Variants in TEP1 observed in about 807,000 individuals in gnomAD.
The protein encoded by TEP1 is telomerase protein component 1.
TEP1 carries 241 observed loss-of-function variants against 306.3 expected under a neutral mutation model. That is an observed-to-expected ratio of 0.79 (90% CI 0.71 to 0.88). TEP1 has a LOEUF of 0.88. TEP1 is among the 40% of genes least tolerant of loss of function. TEP1 has a pLI of 0.00. For synonymous variants in TEP1, 1,289 were observed against 1,305.5 expected (o/e 0.99, Z 0.27); for missense variants, 3,051 against 3,276.1 (o/e 0.93, Z 1.68).
rs758671489 is a variant in TEP1 at position 20,371,611 on chromosome 14, T to C, written c.7098A>G (p.Leu2366=). ...TTGTCAGCACCCCTAAGTCCTCCTG[T>C]AGAATTCGGTTCAGGTGAAGACTAG... ...GNLSLHLNRI[L]QEDLGVLTSL... The change falls in exon 50 of 55, where the codon CTA becomes CTG. Residue 2366 remains leucine, a synonymous_variant. Coordinates refer to ENST00000262715, the MANE Select transcript of TEP1 (RefSeq NM_007110.5). 1 of 1,580,954 alleles carries C rather than the reference T, an allele frequency of 6.3e-7. No homozygotes were observed. Among genetic ancestry groups the C allele is most frequent in the Non-Finnish European group, 8.5e-7 (1 of 1,172,014 alleles).
chr14:20,411,444 A>C (rs768369430), intron 1 of TEP1, among the ~76,000 whole-genome samples: 9 of 151,646 alleles, frequency 5.9e-5, no homozygotes, highest in Non-Finnish European at 1.3e-4. Flanking sequence ...AGTTTCATCA[A>C]CTCCTCCAAA....
rs571042520 is a variant in TEP1, at chr14:20,410,994, G to A, written c.-25+2411C>T. On this transcript the variant is annotated intron_variant, in intron 1 of 54. Coordinates refer to ENST00000262715, the MANE Select transcript of TEP1 (RefSeq NM_007110.5). ...CTGCCACCACACCCAGCTAATTTTT[G>A]TATTTGTAGTAGAGACAGGGTTTCA... Among the ~76,000 whole-genome samples the A allele has an allele frequency of 7.9e-5, 12 of 151,192 alleles. No homozygotes were observed. In the South Asian group the frequency reaches 2.5e-3, roughly 32 times the overall value.
At chr14:20,393,058 T>C (rs1417176631) in intron 12 of TEP1, among the ~76,000 whole-genome samples, 2 of 151,496 alleles carry the variant, frequency 1.3e-5, no homozygotes, top group Admixed American at 6.6e-5. Flanking sequence ...CTAAAAAAAA[T>C]ACAAAAAAAT....
At position 20,386,238 on chromosome 14, in the gene TEP1, A is replaced by G. The variant is rs780842658; in HGVS notation, c.2862-43T>C. On this transcript the variant is annotated intron_variant, in intron 19 of 54. Transcript: ENST00000262715. Reference sequence around the variant, plus strand: ...GGGACGTGTGGGAGTCACTGGGGGCATGGTATCAGGGAACATAGGCACAAA... The same window carrying G: ...GGGACGTGTGGGAGTCACTGGGGGCGTGGTATCAGGGAACATAGGCACAAA... 5 of 1,612,806 alleles carry G rather than the reference A, an allele frequency of 3.1e-6. No homozygotes were observed. In the East Asian group the frequency reaches 1.1e-4, roughly 36 times the overall value.
chr14:20,403,142 A>C (rs981711142), intron 7 of TEP1, among the ~76,000 whole-genome samples: 22 of 145,854 alleles, frequency 1.5e-4, no homozygotes, highest in African/African-American at 5.5e-4. Context: ...CCTGGGCCAC[A>C]GTGCATAACT....
chr14:20,373,710 CT>C lies in TEP1; in HGVS notation c.6571del (p.Ser2191AlafsTer22), dbSNP rs1884999710. 6.2e-7 allele frequency: 1 copy of C among 1,614,046 alleles called. No homozygotes were observed. Among genetic ancestry groups the C allele is most frequent in the African/African-American group, 1.3e-5 (1 of 74,912 alleles). On this transcript the variant is annotated frameshift_variant, in exon 45 of 55. Transcript: ENST00000262715. LOFTEE classifies it high-confidence loss of function. ...TSIPAHSGPISHCAAAMEPRA... is the reference protein window; with the variant it reads ...TSIPAHSGPIXHCAAAMEPRA... ...GGGCTCCATGGCAGCTGCACAGTGG[CT>C]AATGGGTCCTGAGTGAGCAGGGATG...
At position 20,378,399 on chromosome 14, in the gene TEP1, T is replaced by C. The variant is rs777927900; in HGVS notation, c.5489A>G (p.Asp1830Gly). Residue 1830 changes from aspartate (D) to glycine (G), a missense_variant, in exon 38 of 55, where the codon GAT (aspartate) becomes GGT (glycine). Physicochemically the swap from Asp to Gly is moderately conservative, Grantham distance 94 (BLOSUM62 -1). Around this residue, in one of 3 missense-constraint regions of TEP1, gnomAD observed 1,540 missense variants for 1,705.9 expected, o/e 0.90. Coordinates refer to ENST00000262715, the MANE Select transcript of TEP1 (RefSeq NM_007110.5). ...WAGSISFFQV[D>G]GLKVTKDLGA... ...TCTTACCTTGGTGACTTTGAGCCCATCCACCTGGAAGAAGCTGATGCTGCC... is the reference window on the plus strand; with the variant it reads ...TCTTACCTTGGTGACTTTGAGCCCACCCACCTGGAAGAAGCTGATGCTGCC... The C allele has an allele frequency of 6.2e-7, 1 of 1,614,206 alleles. No individual in the cohort carries two copies. Among genetic ancestry groups the C allele is most frequent in the South Asian group, 1.1e-5 (1 of 91,076 alleles).
intron 22 of TEP1, 39 bp from the exon 23 acceptor site, chr14:20,384,547 C>G (rs199889885): frequency 6.2e-7 from 1 of 1,613,542 alleles, no homozygotes. Flanking sequence ...AGAGCAGGCC[C>G]GGCTCCTCTC....
In TEP1 at chr14:20,368,874, T is replaced by C. The variant is rs2104978; in HGVS notation, c.7685A>G (p.His2562Arg). 100,322 of 1,613,536 alleles carry C rather than the reference T, an allele frequency of 0.062. 3,450 individuals are homozygous for C. Among genetic ancestry groups the C allele is most frequent in the South Asian group, 0.089 (8,071 of 91,018 alleles). ...TGTCACCAGCAACTCAGGTAGCACA[T>C]GGAGGGCTGTGACAGAGCCCGAGTG... ...KIHSGSVTAL[H>R]VLPELLVTAS... is the part of the protein sequence containing the mutation. The change falls in exon 54 of 55, where the codon CAT becomes CGT. Residue 2562 changes from histidine (H) to arginine (R), a missense_variant. Physicochemically the swap from His to Arg is conservative, Grantham distance 29. This residue lies in a region of TEP1 where 1,540 missense variants were observed against 1,705.9 expected (regional missense o/e 0.90). Transcript: ENST00000262715.
intron 19 of TEP1, 42 bp downstream of exon 19, chr14:20,386,405 C>T (rs1213642774): frequency 4.4e-6 from 7 of 1,579,376 alleles, no homozygotes; most frequent in African/African-American, 1.4e-5. Context: ...CACTCAAGCC[C>T]CTCATCCCCG....
In TEP1 at chr14:20,403,447, C is replaced by T; in HGVS notation, c.1196G>A (p.Gly399Glu). 4 of 1,614,094 alleles carry T rather than the reference C, an allele frequency of 2.5e-6. No homozygotes were observed. Among genetic ancestry groups the T allele is most frequent in the Non-Finnish European group, 3.4e-6 (4 of 1,180,006 alleles). Residue 399 changes from glycine (G) to glutamate (E), a missense_variant and splice_region_variant, in exon 7 of 55, where the codon GGG becomes GAG. Transcript: ENST00000262715. ...TCTGTGAGAAAATGGAGGCTCCATC[C>T]CCTGTAGGGACAGGAGAAGCAATTT... The part of the protein sequence containing the change: ...RHPRRPPRSP[G>E]MEPPFSHRCF...
At chr14:20,395,823 G>A in intron 11 of TEP1, 36 bp downstream of exon 11, 1 of 1,591,256 alleles carries the variant, frequency 6.3e-7, no homozygotes, top group Middle Eastern at 1.7e-4. Flanking sequence ...GTCAGATGTG[G>A]GAGGCAAAGA....
At position 20,382,342 on chromosome 14, in the gene TEP1, G is replaced by C; in HGVS notation, c.4155C>G (p.Leu1385=). 6.2e-7 allele frequency: 1 copy of C among 1,610,462 alleles called. No homozygotes were observed. The highest frequency in any genetic ancestry group is 2.2e-5 in the East Asian group (1 of 44,858). The change falls in exon 29 of 55, where the codon CTC becomes CTG. Residue 1385 remains leucine (L), a synonymous_variant. Coordinates refer to ENST00000262715, the MANE Select transcript of TEP1 (RefSeq NM_007110.5). ...FTLYEQVSER[L]RTLPATVPLL... The stretch of plus-strand genomic sequence containing the variant: ...GGGGGACAGTGGCAGGCAGGGTCCG[G>C]AGTCTCTCAGACACCTAGGATGGCG...
intron 20 of TEP1, among the ~76,000 whole-genome samples, chr14:20,385,759 G>A (rs1877091117): frequency 1.3e-5 from 2 of 152,228 alleles, no homozygotes; most frequent in African/African-American, 4.8e-5. Context: ...GGCTAGGTCA[G>A]AGTAAGCTGC....
chr14:20,389,349 A>C, intron 16 of TEP1, 52 bp from the exon 17 acceptor site: 3 of 1,590,560 alleles, frequency 1.9e-6, no homozygotes, highest in Non-Finnish European at 2.6e-6. Context: ...CCTGGAACAC[A>C]GTCACTGCCC....
chr14:20,380,563 T>C (rs1234032980), intron 33 of TEP1, 88 bp from the exon 34 acceptor site: 20 of 1,323,244 alleles, frequency 1.5e-5, no homozygotes, highest in Admixed American at 2.5e-5. Context: ...GTGTCTACAA[T>C]AGTAAGTCTC....
chr14:20,403,797 C>G lies in TEP1; in HGVS notation c.1120G>C (p.Glu374Gln), dbSNP rs140399456. Residue 374 changes from glutamate (E) to glutamine (Q), a missense_variant, in exon 6 of 55, where the codon GAG (glutamate) becomes CAG (glutamine). Coordinates refer to ENST00000262715, the MANE Select transcript of TEP1 (RefSeq NM_007110.5). ...GGGTTGTACTTAGCCAGCTGGTACT[C>G]GTCAAACTGGGCAAATTTGTCCGTC... Reference protein sequence around the residue: ...AMTDKFAQFDEYQLAKYNPRK... With the variant: ...AMTDKFAQFDQYQLAKYNPRK... 1.9e-6 allele frequency: 3 copies of G among 1,614,056 alleles called. No individual in the cohort carries two copies. In the South Asian group the frequency reaches 3.3e-5, roughly 18 times the overall value.
At chr14:20,402,739 T>C (rs1026872718) in intron 7 of TEP1, among the ~76,000 whole-genome samples, 1 of 152,212 alleles carries the variant, frequency 6.6e-6, no homozygotes, top group African/African-American at 2.4e-5. Flanking sequence ...CTACGTACAA[T>C]ACCTTATTTG....
chr14:20,403,336 A>T, intron 7 of TEP1, 41 bp downstream of exon 7: 1 of 1,603,230 alleles, frequency 6.2e-7, no homozygotes, highest in Non-Finnish European at 8.5e-7. Flanking sequence ...TCCAGAAGAG[A>T]TTGTACATGC....
Sources: gnomAD v4.1 joint callset for allele counts (sites outside exome capture counted in the v4.1 genomes callset) on GRCh38, gnomAD v4.1.1 for gene constraint, gnomAD v4.1.1 regional missense constraint, MANE v1.5 for transcripts, NCBI Gene and HGNC (gene_info 2026-07-23, HGNC 2026-07-21) for gene names.